Variants in LDLRAP1 observed in about 807,000 individuals in gnomAD.
LDLRAP1 encodes the protein low density lipoprotein receptor adaptor protein 1.
Under a neutral mutation model 37.8 loss-of-function variants are expected in LDLRAP1, and 30 were observed. The observed-to-expected ratio is 0.79, with a 90% CI of 0.59 to 1.08. LDLRAP1 has a LOEUF of 1.08. Ranked by LOEUF, LDLRAP1 falls within the 50% of genes least tolerant of loss-of-function variation. LDLRAP1 has a pLI of 0.00. For synonymous variants in LDLRAP1, 156 were observed against 169.8 expected (o/e 0.92, Z 0.63); for missense variants, 375 against 401.6 (o/e 0.93, Z 0.57).
At chr1:25,571,130 A>G (rs891720146), downstream of LDLRAP1, among the ~76,000 whole-genome samples, 1 of 152,164 alleles carries the variant, frequency 6.6e-6, no homozygotes, top group African/African-American at 2.4e-5. Flanking sequence ...GCAAACCCCA[A>G]CCGACCTGGT....
the LDLRAP1 span, among the ~76,000 whole-genome samples, chr1:25,583,991 A>G: frequency 6.6e-6 from 1 of 152,048 alleles, no homozygotes; most frequent in East Asian, 1.9e-4. Flanking sequence ...TATTTTTAAC[A>G]TCTGGCTTCT....
the LDLRAP1 span, among the ~76,000 whole-genome samples, chr1:25,582,855 T>C: frequency 6.6e-6 from 1 of 151,836 alleles, no homozygotes; most frequent in Non-Finnish European, 1.5e-5. Context: ...GCGGATTACC[T>C]GAGGTTAGAA....
At position 25,563,579 on chromosome 1, in the gene LDLRAP1, G is replaced by T. The variant is rs554791602; in HGVS notation, c.617-82G>T. 7 of 1,583,510 alleles carry T rather than the reference G, an allele frequency of 4.4e-6. No homozygotes were observed. The East Asian group carries it at 6.8e-5, about 15-fold the overall frequency. On this transcript the variant is annotated intron_variant, in intron 6 of 8. Transcript: ENST00000374338. ...GGGCAAGGCCACATCAGAGGGGAGG[G>T]TCAGGGCCAGGACAGCCCAGGGAGG...
chr1:25,580,720 C>T, the LDLRAP1 span, among the ~76,000 whole-genome samples: 6 of 152,098 alleles, frequency 3.9e-5, no homozygotes, highest in African/African-American at 7.2e-5. Flanking sequence ...CTACATTGCC[C>T]GGGCTGGTCT....
rs77387835 is a variant in LDLRAP1, at chr1:25,565,916, A to G, written c.782+709A>G. On this transcript the variant is annotated intron_variant, in intron 8 of 8. Transcript: ENST00000374338. ...GGTTGGAGTCAGCGATTTTTGGTCC[A>G]GCGGGTGGGGACAGAGTCAGGGTCT... Among the ~76,000 whole-genome samples, 150 of 152,292 alleles carry G rather than the reference A, an allele frequency of 9.8e-4. 1 individual carries two copies. Among genetic ancestry groups the G allele is most frequent in the African/African-American group, 3.3e-3 (139 of 41,568 alleles).
At position 25,566,945 on chromosome 1, in the gene LDLRAP1, A is replaced by G. The variant is rs547010345; in HGVS notation, c.880A>G (p.Lys294Glu). The stretch of plus-strand genomic sequence containing the variant: ...GTGCCTCTCGCCTGTCGACTGGGAC[A>G]AGCCTGACAGCAGCGGCACAGAGCA... ...AQCLSPVDWD[K>E]PDSSGTEQDD... Residue 294 changes from lysine (K) to glutamate (E), a missense_variant, in exon 9 of 9, where the codon AAG (lysine) becomes GAG (glutamate). Physicochemically the swap from Lys to Glu is moderately conservative, Grantham distance 56. Coordinates refer to ENST00000374338, the MANE Select transcript of LDLRAP1 (RefSeq NM_015627.3). 4.3e-6 allele frequency: 7 copies of G among 1,613,566 alleles called. No individual in the cohort carries two copies. In the African/African-American group the frequency reaches 9.3e-5, roughly 22 times the overall value.
chr1:25,565,406 A>G (rs898035580), intron 8 of LDLRAP1, among the ~76,000 whole-genome samples, 199 bp downstream of exon 8: 7 of 152,210 alleles, frequency 4.6e-5, no homozygotes, highest in Non-Finnish European at 8.8e-5. Context: ...AGCGTTGTCC[A>G]GAGCTGTTAG....
chr1:25,562,909 C>T (rs1281662342), intron 5 of LDLRAP1, 161 bp from the exon 6 acceptor site: 35 of 833,564 alleles, frequency 4.2e-5, no homozygotes, highest in Non-Finnish European at 7.2e-5. Context: ...CCCAAAGGTG[C>T]TTGTGAGGAT....
At position 25,557,187 on chromosome 1, in the gene LDLRAP1, A is replaced by G; in HGVS notation, c.379A>G (p.Lys127Glu). The G allele has an allele frequency of 2.5e-6, 4 of 1,614,130 alleles. No individual in the cohort carries two copies. Among genetic ancestry groups the G allele is most frequent in the South Asian group, 1.1e-5 (1 of 91,078 alleles). The change falls in exon 4 of 9, where the codon AAG becomes GAG. Residue 127 changes from lysine to glutamate, a missense_variant. Transcript: ENST00000374338. ...TTGCACAGCAGACAAGATGCACGAC[A>G]AGGTGTTTGCATACATCGCCCAGAG... ...SYCTADKMHDKVFAYIAQSQH... is the reference protein window; with the variant it reads ...SYCTADKMHDEVFAYIAQSQH...
Position 25,556,372 on chromosome 1 carries a change from G to A in LDLRAP1, c.345-781G>A, listed in dbSNP as rs988088704. On this transcript the variant is annotated intron_variant, in intron 3 of 8. Coordinates refer to ENST00000374338, the MANE Select transcript of LDLRAP1 (RefSeq NM_015627.3). ...ACAGGTGCGACTGGGGGCAGAGAGG[G>A]TGCTCCATGCAGAGGGAGTTGCTGT... Among the ~76,000 whole-genome samples the A allele has an allele frequency of 2.0e-5, 3 of 152,276 alleles. No homozygotes were observed. In the East Asian group the frequency reaches 5.8e-4, roughly 29 times the overall value.
chr1:25,557,099 C>A, intron 3 of LDLRAP1, 54 bp from the exon 4 acceptor site: 1 of 1,353,102 alleles, frequency 7.4e-7, no homozygotes, highest in African/African-American at 1.4e-5. Flanking sequence ...GGGCTTCCCA[C>A]ATGTGCTCAG....
chr1:25,554,793 G>T lies in LDLRAP1; in HGVS notation c.232-67G>T. The stretch of plus-strand genomic sequence containing the variant: ...GTGCCTGGGGCTTAGGAACAGTGAA[G>T]TGTAAGCCATGAGGGTGGGTCTCAA... On this transcript the variant is annotated intron_variant, in intron 2 of 8. Coordinates refer to ENST00000374338, the MANE Select transcript of LDLRAP1 (RefSeq NM_015627.3). This position sits in a 1 kb window ranked among gnomAD's most constrained non-coding sequence, Gnocchi z 5.4. 7.9e-7 allele frequency: 1 copy of T among 1,270,076 alleles called. No homozygotes were observed. Among genetic ancestry groups the T allele is most frequent in the Non-Finnish European group, 1.1e-6 (1 of 880,640 alleles). The allele number at this position is 1,270,076 out of a possible 1,614,324, so 78.7% of individuals were successfully genotyped here.
At chr1:25,563,932 C>A (rs1352122350) in intron 7 of LDLRAP1, 141 bp downstream of exon 7, 6 of 1,042,878 alleles carry the variant, frequency 5.8e-6, no homozygotes, top group East Asian at 2.5e-5. Flanking sequence ...AGTGCCCAGG[C>A]GCAGGATAGG....
downstream of LDLRAP1, among the ~76,000 whole-genome samples, chr1:25,573,267 A>G (rs2044629866): frequency 6.6e-6 from 1 of 152,218 alleles, no homozygotes; most frequent in Non-Finnish European, 1.5e-5. Flanking sequence ...CCCTCAGGAA[A>G]AACTCAACAA....
At chr1:25,579,677 T>C in the LDLRAP1 span, among the ~76,000 whole-genome samples, 1 of 152,348 alleles carries the variant, frequency 6.6e-6, no homozygotes, top group African/African-American at 2.4e-5. Context: ...CTCTGAAATC[T>C]TCGTGCCATT....
chr1:25,577,153 T>C, the LDLRAP1 span, among the ~76,000 whole-genome samples: 1 of 152,222 alleles, frequency 6.6e-6, no homozygotes, highest in African/African-American at 2.4e-5. Flanking sequence ...CGCTGCTTTA[T>C]TGCAATAAAT....
intron 4 of LDLRAP1, 97 bp downstream of exon 4, chr1:25,557,364 G>C (rs1367902241): frequency 1.1e-5 from 10 of 930,146 alleles, no homozygotes; most frequent in Non-Finnish European, 1.6e-5. Context: ...GGACCCAAAG[G>C]TGACCATTAC....
intron 1 of LDLRAP1, among the ~76,000 whole-genome samples, chr1:25,550,522 G>A (rs2044047816): frequency 6.6e-6 from 1 of 152,224 alleles, no homozygotes; most frequent in African/African-American, 2.4e-5. Flanking sequence ...TTATTAGGAA[G>A]AAGCTCTGCA....
rs1185666823 is a variant in LDLRAP1 at position 25,544,539 on chromosome 1, G to A, written c.88+753G>A. On this transcript the variant is annotated intron_variant, in intron 1 of 8. Coordinates refer to ENST00000374338, the MANE Select transcript of LDLRAP1 (RefSeq NM_015627.3). The surrounding 1 kb of genome is among the most constrained non-coding windows in gnomAD (Gnocchi z 4.8). ...GAGTCCCTTGGGTGCCCAGGCAAAC[G>A]ACAGACTCGCCGCCACCTCTCCCTG... Among the ~76,000 whole-genome samples, 7 of 152,170 alleles carry A rather than the reference G, an allele frequency of 4.6e-5. No homozygotes were observed. Among genetic ancestry groups the A allele is most frequent in the Non-Finnish European group, 1.0e-4 (7 of 68,024 alleles).
Sources: gnomAD v4.1 joint callset for allele counts (sites outside exome capture counted in the v4.1 genomes callset) on GRCh38, gnomAD v4.1.1 for gene constraint, Gnocchi (gnomAD v3.1) non-coding constraint, MANE v1.5 for transcripts, NCBI Gene and HGNC (gene_info 2026-07-23, HGNC 2026-07-21) for gene names.